The following GPHN variants were observed in gnomAD, a reference collection of about 807,000 sequenced individuals.
GPHN encodes gephyrin.
A neutral mutation model predicts 95.5 loss-of-function variants in GPHN; 17 were observed. The ratio of observed to expected loss-of-function variants is 0.18; its 90% CI spans 0.12 to 0.27. GPHN has a LOEUF of 0.27. Ranked by LOEUF, GPHN falls within the 10% of genes least tolerant of loss-of-function variation. The pLI is 1.00. For synonymous variants in GPHN, 320 were observed against 322.5 expected (o/e 0.99, Z 0.08); for missense variants, 660 against 978.1 (o/e 0.67, Z 4.34).
the GPHN span, among the ~76,000 whole-genome samples, chr14:67,687,003 C>A: frequency 1.3e-5 from 2 of 152,130 alleles, no homozygotes; most frequent in Non-Finnish European, 2.9e-5. Context: ...AAATTGATTT[C>A]TACTTTTAAA....
the GPHN span, among the ~76,000 whole-genome samples, chr14:67,508,096 T>C: frequency 6.7e-6 from 1 of 148,550 alleles, no homozygotes; most frequent in Non-Finnish European, 1.5e-5. Context: ...CGAAGTCACA[T>C]TGCACTCCAG....
chr14:67,185,100 TA>T (rs1222768609), downstream of GPHN, among the ~76,000 whole-genome samples: 3 of 152,142 alleles, frequency 2.0e-5, no homozygotes, highest in African/African-American at 7.2e-5. Flanking sequence ...GATTACAAAA[TA>T]GAAACTGTGA....
chr14:66,755,885 G>A (rs2058537938), intron 2 of GPHN, among the ~76,000 whole-genome samples: 1 of 152,116 alleles, frequency 6.6e-6, no homozygotes, highest in Admixed American at 6.6e-5. Flanking sequence ...AAATATTTGG[G>A]CTGGTGAATG....
At chr14:67,726,013 C>T in the GPHN span, 3 of 1,455,260 alleles carry the variant, frequency 2.1e-6, no homozygotes, top group Non-Finnish European at 2.9e-6. Flanking sequence ...TAGGGGACTC[C>T]TTGCTAACCA....
At chr14:66,827,368 T>A (rs899255640) in intron 4 of GPHN, among the ~76,000 whole-genome samples, 3 of 151,890 alleles carry the variant, frequency 2.0e-5, no homozygotes, top group Non-Finnish European at 2.9e-5. Context: ...CTCAGGAAAT[T>A]CCCAAGGGTT....
chr14:67,508,309 AAAAGGCTGGAACCTCAGCCTTTCTCAGG>A, the GPHN span, among the ~76,000 whole-genome samples: 5 of 152,090 alleles, frequency 3.3e-5, no homozygotes, highest in African/African-American at 1.2e-4. Flanking sequence ...TATTTCCTGA[AAAAGGCTGGAACCTCAGCCTTTCTCAGG>A]AAAGGCTGGA....
the GPHN span, chr14:67,471,802 G>A: frequency 2.6e-5 from 4 of 152,522 alleles, no homozygotes; most frequent in African/African-American, 9.6e-5. Context: ...GCAGCCAGCA[G>A]GGAAGAGGAC....
the GPHN span, among the ~76,000 whole-genome samples, chr14:67,247,871 G>C: frequency 1.3e-5 from 2 of 152,110 alleles, no homozygotes; most frequent in African/African-American, 4.8e-5. Context: ...GAGTCACAGT[G>C]CCTGGCTTCT....
chr14:67,053,097 A>C (rs1348186738), intron 10 of GPHN, among the ~76,000 whole-genome samples: 1 of 150,872 alleles, frequency 6.6e-6, no homozygotes, highest in African/African-American at 2.4e-5. Flanking sequence ...ACAAGAAATA[A>C]CCAAGATCAG....
chr14:67,349,478 A>C, the GPHN span, among the ~76,000 whole-genome samples: 1 of 152,210 alleles, frequency 6.6e-6, no homozygotes, highest in African/African-American at 2.4e-5. Flanking sequence ...GCTGGCGTTC[A>C]ATTCCTTTAC....
At chr14:67,179,396 A>C (rs1236732682) in intron 21 of GPHN, among the ~76,000 whole-genome samples, 182 bp from the exon 22 acceptor site, 1 of 152,298 alleles carries the variant, frequency 6.6e-6, no homozygotes, top group African/African-American at 2.4e-5. Context: ...AAAAGAAAAA[A>C]TACATTTTTA....
chr14:67,547,991 G>A, the GPHN span, among the ~76,000 whole-genome samples: 6 of 152,286 alleles, frequency 3.9e-5, no homozygotes, highest in East Asian at 1.2e-3. Flanking sequence ...CCCCATTCTG[G>A]AGCCAGGTTA....
chr14:67,320,402 G>A, the GPHN span: 2 of 1,586,116 alleles, frequency 1.3e-6, no homozygotes, highest in Non-Finnish European at 1.7e-6. Flanking sequence ...TTCCTCGTAA[G>A]TTTGAATGCA....
chr14:67,485,017 G>A, the GPHN span, among the ~76,000 whole-genome samples: 1 of 152,202 alleles, frequency 6.6e-6, no homozygotes, highest in Admixed American at 6.5e-5. Context: ...GGGAACAGTT[G>A]TTTCCCATTT....
At chr14:67,052,400 A>G (rs890849526) in intron 10 of GPHN, among the ~76,000 whole-genome samples, 7 of 152,184 alleles carry the variant, frequency 4.6e-5, no homozygotes, top group Non-Finnish European at 1.0e-4. Flanking sequence ...GCTCAATTCA[A>G]CAAGAAGTGC....
At chr14:67,322,140 G>T in the GPHN span, among the ~76,000 whole-genome samples, 6 of 152,060 alleles carry the variant, frequency 3.9e-5, no homozygotes, top group African/African-American at 1.4e-4. Flanking sequence ...GAGTTCAGGA[G>T]TTCCAGACCA....
intron 18 of GPHN, among the ~76,000 whole-genome samples, chr14:67,148,958 T>G (rs1312102429): frequency 2.6e-5 from 4 of 152,172 alleles, no homozygotes; most frequent in African/African-American, 9.7e-5. Flanking sequence ...ATGAGTGATA[T>G]CTCATCAGAT....
At chr14:67,544,365 G>T in the GPHN span, among the ~76,000 whole-genome samples, 1 of 152,166 alleles carries the variant, frequency 6.6e-6, no homozygotes, top group African/African-American at 2.4e-5. Context: ...CCCCTGGGGA[G>T]CCTGGTAGGG....
chr14:66,683,718 C>T (rs972247328), intron 2 of GPHN, among the ~76,000 whole-genome samples: 1 of 151,310 alleles, frequency 6.6e-6, no homozygotes, highest in Non-Finnish European at 1.5e-5. Context: ...TTTCTCACGC[C>T]TGTAATCCCA....
Sources: gnomAD v4.1 joint callset for allele counts (sites outside exome capture counted in the v4.1 genomes callset) on GRCh38, gnomAD v4.1.1 for gene constraint, MANE v1.5 for transcripts, NCBI Gene and HGNC (gene_info 2026-07-23, HGNC 2026-07-21) for gene names.